The following HCN1 variants were observed in gnomAD, a reference collection of about 807,000 sequenced individuals.
The protein encoded by HCN1 is potassium/sodium hyperpolarization-activated cyclic nucleotide-gated channel 1.
Under a neutral mutation model 78.9 loss-of-function variants are expected in HCN1, and 13 were observed. That is an observed-to-expected ratio of 0.16 (90% CI 0.11 to 0.26). The LOEUF (loss-of-function observed/expected upper bound fraction) is 0.26, where lower values mean the gene tolerates loss of function less well. HCN1 is among the 10% of genes least tolerant of loss of function. The pLI, the probability that HCN1 is intolerant of heterozygous loss-of-function variation, is 1.00. For missense variants in HCN1, 810 were observed against 1,154.3 expected (o/e 0.70, Z 4.32); for synonymous variants, 552 against 455.5 (o/e 1.21, Z -2.70).
At chr5:45,517,385 C>T (rs963502687) in intron 2 of HCN1, among the ~76,000 whole-genome samples, 2 of 151,762 alleles carry the variant, frequency 1.3e-5, no homozygotes, top group African/African-American at 2.4e-5. Context: ...CCATCATACA[C>T]ACACATATGC....
intron 2 of HCN1, among the ~76,000 whole-genome samples, chr5:45,622,036 C>T (rs1255913023): frequency 2.6e-5 from 4 of 151,960 alleles, no homozygotes; most frequent in African/African-American, 7.2e-5. Flanking sequence ...CTGGCTAACA[C>T]GGTGAAACCC....
chr5:45,654,702 C>T (rs1000064679), intron 1 of HCN1, among the ~76,000 whole-genome samples: 7 of 152,056 alleles, frequency 4.6e-5, no homozygotes, highest in Non-Finnish European at 1.0e-4. Context: ...TTTTGAAGCT[C>T]AACTGAATGA....
chr5:45,324,894 C>A (rs1746204483), intron 5 of HCN1, among the ~76,000 whole-genome samples: 1 of 151,650 alleles, frequency 6.6e-6, no homozygotes, highest in African/African-American at 2.4e-5. Context: ...CAAAATAAAA[C>A]ATCATTATCT....
intron 2 of HCN1, among the ~76,000 whole-genome samples, chr5:45,499,276 G>T (rs958242720): frequency 6.6e-6 from 1 of 152,192 alleles, no homozygotes; most frequent in African/African-American, 2.4e-5. Context: ...CCACGTGCAG[G>T]ATATAATCTC....
intron 2 of HCN1, among the ~76,000 whole-genome samples, chr5:45,636,359 C>G (rs1745356589): frequency 6.6e-6 from 1 of 152,166 alleles, no homozygotes; most frequent in Non-Finnish European, 1.5e-5. Context: ...TAGCAACTTT[C>G]ACTCTAATAG....
chr5:45,681,460 A>G lies in HCN1; in HGVS notation c.425+14209T>C, dbSNP rs552466590. On this transcript the variant is annotated intron_variant, in intron 1 of 7. Coordinates refer to ENST00000303230, the MANE Select transcript of HCN1 (RefSeq NM_021072.4). ...AATTTCCTTTACTAAGATCTATGATATATTTTCTATTTACACAAGGGCTAA... is the reference window on the plus strand; with the variant it reads ...AATTTCCTTTACTAAGATCTATGATGTATTTTCTATTTACACAAGGGCTAA... Among the ~76,000 whole-genome samples, 15 of 152,212 alleles carry G rather than the reference A, an allele frequency of 9.9e-5. No homozygotes were observed. In the South Asian group the frequency reaches 3.1e-3, roughly 32 times the overall value.
intron 2 of HCN1, among the ~76,000 whole-genome samples, chr5:45,557,463 T>C (rs1233610188): frequency 6.6e-6 from 1 of 152,144 alleles, no homozygotes. Flanking sequence ...TTGCTTGAAA[T>C]GCTTTATCAT....
chr5:45,695,298 GAGGA>G (rs1739984711), intron 1 of HCN1, among the ~76,000 whole-genome samples: 1 of 152,122 alleles, frequency 6.6e-6, no homozygotes, highest in Non-Finnish European at 1.5e-5. Flanking sequence ...GGAGCCGCGC[GAGGA>G]AGGGTGGCTT....
chr5:45,521,532 A>G (rs1246540868), intron 2 of HCN1, among the ~76,000 whole-genome samples: 1 of 151,868 alleles, frequency 6.6e-6, no homozygotes, highest in Non-Finnish European at 1.5e-5. Flanking sequence ...TTTTCATATC[A>G]TCTTCCCTTC....
At chr5:45,443,844 G>A (rs1289381631) in intron 3 of HCN1, among the ~76,000 whole-genome samples, 3 of 151,938 alleles carry the variant, frequency 2.0e-5, no homozygotes, top group Admixed American at 2.0e-4. Context: ...TGGTAATAAA[G>A]ACAAATAGAA....
At chr5:45,385,846 C>T (rs962457437) in intron 4 of HCN1, among the ~76,000 whole-genome samples, 2 of 152,148 alleles carry the variant, frequency 1.3e-5, no homozygotes, top group Admixed American at 6.5e-5. Context: ...CTGGACACAG[C>T]CGTTGTGTGA....
At chr5:45,264,646 A>G (rs888867421) in intron 7 of HCN1, among the ~76,000 whole-genome samples, 2 of 152,236 alleles carry the variant, frequency 1.3e-5, no homozygotes, top group Non-Finnish European at 2.9e-5. Context: ...CTTATTTAGC[A>G]TATTTGCTTA....
chr5:45,469,625 T>G (rs1741346577), intron 2 of HCN1, among the ~76,000 whole-genome samples: 1 of 151,986 alleles, frequency 6.6e-6, no homozygotes, highest in African/African-American at 2.4e-5. Context: ...AATATATTGA[T>G]TTGATTAAAT....
At chr5:45,643,100 G>T (rs1189060607) in intron 2 of HCN1, 1 of 152,086 alleles carries the variant, frequency 6.6e-6, no homozygotes, top group Non-Finnish European at 1.5e-5. Flanking sequence ...AATGATAGCA[G>T]TGAGCTGATG....
intron 5 of HCN1, among the ~76,000 whole-genome samples, chr5:45,337,662 T>TA (rs1561112463): frequency 2.6e-5 from 4 of 152,116 alleles, no homozygotes; most frequent in African/African-American, 9.7e-5. Flanking sequence ...CCTGAGTTCA[T>TA]ATAGCAGAAC....
intron 3 of HCN1, among the ~76,000 whole-genome samples, chr5:45,451,553 T>A (rs1302314074): frequency 6.6e-6 from 1 of 151,864 alleles, no homozygotes; most frequent in Non-Finnish European, 1.5e-5. Flanking sequence ...CATAAATAAA[T>A]GGCACATTAA....
At chr5:45,318,795 C>T (rs1221910166) in intron 5 of HCN1, among the ~76,000 whole-genome samples, 1 of 151,752 alleles carries the variant, frequency 6.6e-6, no homozygotes, top group Non-Finnish European at 1.5e-5. Flanking sequence ...TATATATGCA[C>T]CCGTATAACC....
At chr5:45,348,744 G>T (rs187668443) in intron 5 of HCN1, among the ~76,000 whole-genome samples, 19 of 152,160 alleles carry the variant, frequency 1.2e-4, no homozygotes, top group African/African-American at 3.1e-4. Context: ...TAAAACAGAC[G>T]TTAAACCAAC....
chr5:45,523,428 C>T (rs1446620778), intron 2 of HCN1, among the ~76,000 whole-genome samples: 4 of 151,976 alleles, frequency 2.6e-5, no homozygotes, highest in African/African-American at 7.2e-5. Context: ...CCTGAGGAAT[C>T]GCCACACTGA....
Sources: allele counts gnomAD v4.1 joint callset (sites outside exome capture counted in the v4.1 genomes callset), GRCh38; gene constraint gnomAD v4.1.1; transcripts MANE v1.5; gene names NCBI Gene and HGNC (gene_info 2026-07-23, HGNC 2026-07-21).